Variants in SPATA16 observed in about 807,000 individuals in gnomAD.
SPATA16 encodes spermatogenesis associated 16.
Under a neutral mutation model 63.3 loss-of-function variants are expected in SPATA16, and 36 were observed. The observed-to-expected ratio is 0.57, with a 90% CI of 0.44 to 0.75. SPATA16 has a LOEUF of 0.75. SPATA16 is among the 30% of genes least tolerant of loss of function. The pLI, the probability that SPATA16 is intolerant of heterozygous loss-of-function variation, is 0.00. For missense variants in SPATA16, 646 were observed against 679.3 expected (o/e 0.95, Z 0.54); for synonymous variants, 203 against 216.7 (o/e 0.94, Z 0.56).
At chr3:172,968,005 A>C (rs1733958014) in intron 5 of SPATA16, among the ~76,000 whole-genome samples, 1 of 152,150 alleles carries the variant, frequency 6.6e-6, no homozygotes, top group African/African-American at 2.4e-5. Flanking sequence ...TTATGGAAAA[A>C]CTGTCTTTCA....
intron 6 of SPATA16, among the ~76,000 whole-genome samples, chr3:172,940,439 G>A (rs1376481303): frequency 6.6e-6 from 1 of 152,050 alleles, no homozygotes; most frequent in Non-Finnish European, 1.5e-5. Context: ...TCCCAGAGAT[G>A]GCAAAACAAC....
intron 6 of SPATA16, among the ~76,000 whole-genome samples, chr3:172,954,213 ACAATC>A (rs1733517356): frequency 6.6e-6 from 1 of 152,218 alleles, no homozygotes; most frequent in Admixed American, 6.5e-5. Context: ...GGGAGGCCTC[ACAATC>A]ATGGTGGAAG....
At chr3:173,135,460 A>G (rs1738518954) in intron 1 of SPATA16, among the ~76,000 whole-genome samples, 1 of 152,220 alleles carries the variant, frequency 6.6e-6, no homozygotes, top group Admixed American at 6.5e-5. Context: ...CCCAGCAGAA[A>G]TGCATACAAG....
At chr3:173,112,487 C>T (rs923583038) in intron 2 of SPATA16, among the ~76,000 whole-genome samples, 1 of 152,200 alleles carries the variant, frequency 6.6e-6, no homozygotes, top group African/African-American at 2.4e-5. Context: ...GATCCCGACT[C>T]CACCACCTCT....
intron 3 of SPATA16, among the ~76,000 whole-genome samples, chr3:173,021,701 A>G (rs1158059049): frequency 6.6e-6 from 1 of 151,438 alleles, no homozygotes; most frequent in Non-Finnish European, 1.5e-5. Flanking sequence ...TCCACAGGAT[A>G]GGTAATTCTT....
chr3:173,118,466 C>T (rs908799753), intron 1 of SPATA16, among the ~76,000 whole-genome samples: 19 of 152,126 alleles, frequency 1.2e-4, no homozygotes, highest in Non-Finnish European at 5.9e-5. Flanking sequence ...CATTAATGCT[C>T]AAAATATGTA....
At chr3:173,070,703 A>G (rs1446260170) in intron 2 of SPATA16, among the ~76,000 whole-genome samples, 1 of 152,210 alleles carries the variant, frequency 6.6e-6, no homozygotes, top group Non-Finnish European at 1.5e-5. Context: ...CCAAGAAAGC[A>G]ATCCCATTTG....
chr3:172,895,544 C>T (rs1259819399), intron 10 of SPATA16, among the ~76,000 whole-genome samples: 3 of 152,088 alleles, frequency 2.0e-5, no homozygotes, highest in South Asian at 4.1e-4. Context: ...CCATTTTGCT[C>T]AGGCTGGTCT....
chr3:172,993,599 G>C (rs1734631159), intron 4 of SPATA16, among the ~76,000 whole-genome samples: 1 of 152,130 alleles, frequency 6.6e-6, no homozygotes, highest in Non-Finnish European at 1.5e-5. Flanking sequence ...TTGAGTGACA[G>C]CTTCTGATTA....
chr3:172,941,883 C>T (rs890692489), intron 6 of SPATA16, among the ~76,000 whole-genome samples: 4 of 151,756 alleles, frequency 2.6e-5, no homozygotes, highest in African/African-American at 7.3e-5. Context: ...GGGTGATTTT[C>T]GTTAAAGTAT....
Position 172,924,263 on chromosome 3 carries a change from GTC to G in SPATA16, c.1281_1282del (p.Glu427AspfsTer14), listed in dbSNP as rs759267077. On this transcript the variant is annotated frameshift_variant, in exon 8 of 11. Transcript: ENST00000351008. LOFTEE classifies it high-confidence loss of function. ...TATTGGCAAGATTCGCTTCCCCATTGTCTCCATTTGCCTCACTGTATCTTCTC... is the reference window on the plus strand; with the variant it reads ...TATTGGCAAGATTCGCTTCCCCATTGTCCATTTGCCTCACTGTATCTTCTC... 6.2e-7 allele frequency: 1 copy of G among 1,613,494 alleles called. No individual in the cohort carries two copies. The highest frequency in any genetic ancestry group is 8.5e-7 in the Non-Finnish European group (1 of 1,179,706).
At chr3:173,017,545 A>T (rs1406311193) in intron 4 of SPATA16, among the ~76,000 whole-genome samples, 2 of 152,220 alleles carry the variant, frequency 1.3e-5, no homozygotes, top group African/African-American at 4.8e-5. Flanking sequence ...AAAGTAAAAA[A>T]AAGCCTGGAT....
intron 3 of SPATA16, among the ~76,000 whole-genome samples, chr3:173,021,192 G>A (rs1735322493): frequency 6.6e-6 from 1 of 152,160 alleles, no homozygotes; most frequent in South Asian, 2.1e-4. Flanking sequence ...GTATAACTTA[G>A]CTCACTTCAA....
At chr3:173,120,125 A>G (rs1250893982) in intron 1 of SPATA16, among the ~76,000 whole-genome samples, 1 of 151,868 alleles carries the variant, frequency 6.6e-6, no homozygotes, top group Non-Finnish European at 1.5e-5. Flanking sequence ...AGAAAGAAAC[A>G]TTGCTGGCAT....
chr3:173,029,016 T>C (rs530082090), intron 3 of SPATA16, among the ~76,000 whole-genome samples: 4 of 152,166 alleles, frequency 2.6e-5, no homozygotes, highest in Non-Finnish European at 5.9e-5. Context: ...TTCTATGTAA[T>C]ATCAGATGAG....
In SPATA16 at chr3:173,026,752, G is replaced by A. The variant is rs932831732; in HGVS notation, c.759-7177C>T. The stretch of plus-strand genomic sequence containing the variant: ...AACCATATCTGTGTGAGTCAATTTC[G>A]GAATGGAATATTCTGTTCTGGTGAT... On this transcript the variant is annotated intron_variant, in intron 3 of 10. Coordinates refer to ENST00000351008, the MANE Select transcript of SPATA16 (RefSeq NM_031955.6). 4.0e-5 allele frequency among the ~76,000 whole-genome samples: 6 copies of A among 151,840 alleles called. No homozygotes were observed. In the East Asian group the frequency reaches 5.8e-4, roughly 15 times the overall value.
intron 4 of SPATA16, among the ~76,000 whole-genome samples, chr3:173,003,439 G>C (rs2108267218): frequency 6.6e-6 from 1 of 152,288 alleles, no homozygotes; most frequent in East Asian, 1.9e-4. Flanking sequence ...GCAGGAATTT[G>C]GGTCTTGACA....
intron 1 of SPATA16, among the ~76,000 whole-genome samples, chr3:173,121,257 T>G (rs796900906): frequency 2.1e-4 from 32 of 152,182 alleles, no homozygotes; most frequent in African/African-American, 7.7e-4. Context: ...GTTATGGAAC[T>G]GCTGCTTATG....
At chr3:173,105,998 T>C (rs73880446) in intron 2 of SPATA16, among the ~76,000 whole-genome samples, 1 of 152,342 alleles carries the variant, frequency 6.6e-6, no homozygotes, top group African/African-American at 2.4e-5. Flanking sequence ...TTCCTTTCTA[T>C]GATTTCAATT....
Sources: gnomAD v4.1 joint callset for allele counts (sites outside exome capture counted in the v4.1 genomes callset) on GRCh38, gnomAD v4.1.1 for gene constraint, MANE v1.5 for transcripts, NCBI Gene and HGNC (gene_info 2026-07-23, HGNC 2026-07-21) for gene names.